The following NELL1 variants were observed in gnomAD, a reference collection of about 807,000 sequenced individuals.
NELL1 encodes protein kinase C-binding protein NELL1.
NELL1 carries 76 observed loss-of-function variants against 107.4 expected under a neutral mutation model. That is an observed-to-expected ratio of 0.71 (90% CI 0.59 to 0.86). NELL1 has a LOEUF of 0.86. Ranked by LOEUF, NELL1 falls within the 40% of genes least tolerant of loss-of-function variation. The probability of loss-of-function intolerance (pLI) is 0.00; values close to 1 mark genes in which losing one functional copy is unlikely to be tolerated. For missense variants in NELL1, 1,024 were observed against 1,005.5 expected, an observed-to-expected ratio of 1.02 and a Z score of -0.25; for synonymous variants, 353 against 341.2, an observed-to-expected ratio of 1.03 and a Z score of -0.38.
intron 16 of NELL1, among the ~76,000 whole-genome samples, chr11:21,543,726 A>G (rs1456132029): frequency 1.3e-5 from 2 of 152,010 alleles, no homozygotes; most frequent in Non-Finnish European, 2.9e-5. Flanking sequence ...TAAATTGGAT[A>G]CATTTTAGAG....
chr11:21,224,076 TCA>T (rs1445668434), intron 13 of NELL1, among the ~76,000 whole-genome samples: 1 of 152,184 alleles, frequency 6.6e-6, no homozygotes, highest in Non-Finnish European at 1.5e-5. Flanking sequence ...TGTTTTCCTC[TCA>T]GTTTTTAGCA....
chr11:21,531,059 C>A (rs1468953124), intron 15 of NELL1, among the ~76,000 whole-genome samples: 2 of 152,038 alleles, frequency 1.3e-5, no homozygotes, highest in East Asian at 3.9e-4. Flanking sequence ...TGTGATAGGA[C>A]AAGATAAGTA....
rs1205288573 is a variant in NELL1, at chr11:21,275,011, C to T, written c.1549+45557C>T. On this transcript the variant is annotated intron_variant, in intron 14 of 19. Transcript: ENST00000357134. ...AGAACTAGGGAAGCAAGAGCGAACA[C>T]ATTCAAAAGCTAGCAGAAGGCAAGA... Among the ~76,000 whole-genome samples the T allele has an allele frequency of 1.3e-5, 2 of 152,104 alleles. 1 individual carries two copies. The highest frequency in any genetic ancestry group is 4.1e-4 in the South Asian group (2 of 4,830).
At chr11:20,853,025 A>T (rs1236928039) in intron 4 of NELL1, among the ~76,000 whole-genome samples, 1 of 152,220 alleles carries the variant, frequency 6.6e-6, no homozygotes, top group East Asian at 1.9e-4. Flanking sequence ...ATTTCTTACC[A>T]GCCTAGGTGA....
At chr11:21,206,507 T>A (rs1300301080) in intron 13 of NELL1, among the ~76,000 whole-genome samples, 1 of 152,170 alleles carries the variant, frequency 6.6e-6, no homozygotes, top group African/African-American at 2.4e-5. Context: ...AATGAATAAT[T>A]CAATAGGAAT....
chr11:21,169,697 A>T (rs1036912183), intron 13 of NELL1: 57 of 647,500 alleles, frequency 8.8e-5, no homozygotes, highest in Middle Eastern at 6.0e-4. Flanking sequence ...ACTGTAAATC[A>T]TAATTCCTTG....
chr11:21,233,294 G>A (rs1858113170), intron 14 of NELL1, among the ~76,000 whole-genome samples: 1 of 152,182 alleles, frequency 6.6e-6, no homozygotes, highest in Non-Finnish European at 1.5e-5. Context: ...AGAAGTTGAT[G>A]CCATTATTCT....
At chr11:21,229,735 G>A (rs1019653918) in intron 14 of NELL1, among the ~76,000 whole-genome samples, 1 of 152,204 alleles carries the variant, frequency 6.6e-6, no homozygotes, top group Admixed American at 6.5e-5. Context: ...TGTGAGGGAA[G>A]CTTGGATTGC....
chr11:21,542,762 T>G lies in NELL1; in HGVS notation c.1786+8248T>G, dbSNP rs780030024. Among the ~76,000 whole-genome samples the G allele has an allele frequency of 2.0e-5, 3 of 152,076 alleles. No individual in the cohort carries two copies. The East Asian group carries it at 5.8e-4, about 29-fold the overall frequency. ...CCAATTTTTTAAATGTACTTATTTA[T>G]TATGCACTGCCTCTTAAAAGCAATT... On this transcript the variant is annotated intron_variant, in intron 16 of 19. Transcript: ENST00000357134.
chr11:21,178,851 T>A (rs1590708497), intron 13 of NELL1, among the ~76,000 whole-genome samples: 1 of 151,514 alleles, frequency 6.6e-6, no homozygotes, highest in Non-Finnish European at 1.5e-5. Flanking sequence ...TTTGAGTAAA[T>A]GAAAATGGAG....
intron 14 of NELL1, among the ~76,000 whole-genome samples, chr11:21,301,151 A>T (rs1002780238): frequency 6.6e-6 from 1 of 152,250 alleles, no homozygotes; most frequent in Admixed American, 6.5e-5. Flanking sequence ...TCATTGATGG[A>T]CATTTGAGTT....
At chr11:20,874,752 G>A (rs1301685929) in intron 4 of NELL1, among the ~76,000 whole-genome samples, 1 of 152,096 alleles carries the variant, frequency 6.6e-6, no homozygotes, top group East Asian at 1.9e-4. Flanking sequence ...CTGACTGCTA[G>A]AAAATTTTCT....
intron 12 of NELL1, among the ~76,000 whole-genome samples, chr11:21,082,613 G>A (rs1413308943): frequency 6.6e-6 from 1 of 152,112 alleles, no homozygotes; most frequent in African/African-American, 2.4e-5. Context: ...TCCCAACAAA[G>A]GCCAGATCTT....
At position 21,033,777 on chromosome 11, in the gene NELL1, G is replaced by A. The variant is rs569272924; in HGVS notation, c.1300+73217G>A. Among the ~76,000 whole-genome samples, 24 of 152,120 alleles carry A rather than the reference G, an allele frequency of 1.6e-4. No individual in the cohort carries two copies. The East Asian group carries it at 2.1e-3, about 13-fold the overall frequency. On this transcript the variant is annotated intron_variant, in intron 12 of 19. Coordinates refer to ENST00000357134, the MANE Select transcript of NELL1 (RefSeq NM_006157.5). Reference sequence around the variant, plus strand: ...TACCCAGTAATAGAATTGCTGGGTCGAATGGTATTTCTGTTTTTTGTCTTT... The same window carrying A: ...TACCCAGTAATAGAATTGCTGGGTCAAATGGTATTTCTGTTTTTTGTCTTT...
intron 2 of NELL1, among the ~76,000 whole-genome samples, chr11:20,692,802 C>T (rs1854504520): frequency 6.6e-6 from 1 of 152,108 alleles, no homozygotes; most frequent in Admixed American, 6.6e-5. Context: ...TCTATTAGGT[C>T]CGCTTAGTGC....
chr11:20,917,778 T>A (rs1406603066), intron 5 of NELL1, among the ~76,000 whole-genome samples: 4 of 151,990 alleles, frequency 2.6e-5, no homozygotes, highest in African/African-American at 9.7e-5. Flanking sequence ...CTTCGCTAAA[T>A]GAATCAGTAG....
chr11:20,783,526 A>G (rs7105131), intron 2 of NELL1, 154 bp from the exon 3 acceptor site: 400,654 of 555,432 alleles, frequency 0.72, 149,883 homozygotes, highest in East Asian at 0.86. Context: ...GAAACTTGCA[A>G]TCTGGATTCT....
chr11:21,060,660 G>A (rs539529675), intron 12 of NELL1, among the ~76,000 whole-genome samples: 57 of 152,208 alleles, frequency 3.7e-4, no homozygotes, highest in Middle Eastern at 3.4e-3. Context: ...ATCTCTGAAA[G>A]CACTTGTGTT....
chr11:20,707,383 A>T (rs540110336), intron 2 of NELL1, among the ~76,000 whole-genome samples: 20 of 152,196 alleles, frequency 1.3e-4, no homozygotes, highest in Non-Finnish European at 2.5e-4. Context: ...CAAAATCATT[A>T]TCTGCTCAGC....
Sources: allele counts gnomAD v4.1 joint callset (sites outside exome capture counted in the v4.1 genomes callset), GRCh38; gene constraint gnomAD v4.1.1; transcripts MANE v1.5; gene names NCBI Gene and HGNC (gene_info 2026-07-23, HGNC 2026-07-21).